The following COL25A1 variants were observed in gnomAD, a reference collection of about 807,000 sequenced individuals.
COL25A1 encodes collagen type XXV alpha 1 chain, also known as collagen alpha-1(XXV) chain.
In COL25A1, 103 loss-of-function variants were observed where a neutral mutation model predicts 128.4. That is an observed-to-expected ratio of 0.80 (90% CI 0.68 to 0.94). The LOEUF is 0.94. COL25A1 is among the 40% of genes least tolerant of loss of function. The probability of loss-of-function intolerance (pLI) is 0.00; values close to 1 mark genes in which losing one functional copy is unlikely to be tolerated. For missense variants in COL25A1, 745 were observed against 840.0 expected (o/e 0.89, Z 1.40); for synonymous variants, 279 against 277.2 (o/e 1.01, Z -0.06).
intron 3 of COL25A1, among the ~76,000 whole-genome samples, chr4:109,183,024 C>T (rs1304576877): frequency 1.3e-5 from 2 of 151,900 alleles, no homozygotes; most frequent in East Asian, 1.9e-4. Context: ...ATCTTTTTAC[C>T]GAGGCATCAG....
At chr4:109,146,798 A>G (rs1478769369) in intron 3 of COL25A1, among the ~76,000 whole-genome samples, 2 of 152,268 alleles carry the variant, frequency 1.3e-5, no homozygotes, top group Non-Finnish European at 1.5e-5. Context: ...CTCATTTCCC[A>G]TTATTTATTT....
In COL25A1 at chr4:109,121,997, T is replaced by C. The variant is rs570236714; in HGVS notation, c.368-71818A>G. Among the ~76,000 whole-genome samples, 166 of 152,188 alleles carry C rather than the reference T, an allele frequency of 1.1e-3. 1 individual carries two copies. Among genetic ancestry groups the C allele is most frequent in the African/African-American group, 3.7e-3 (155 of 41,546 alleles). On this transcript the variant is annotated intron_variant, in intron 3 of 37. Coordinates refer to ENST00000399132, the MANE Select transcript of COL25A1 (RefSeq NM_198721.4). ...CAGACATGGATGAAACTTAGATGCA[T>C]ACTAATAAGTGAATGAAACCAACCT...
chr4:109,022,956 C>T (rs1757905374), intron 5 of COL25A1, among the ~76,000 whole-genome samples: 1 of 152,048 alleles, frequency 6.6e-6, no homozygotes, highest in Non-Finnish European at 1.5e-5. Flanking sequence ...CTCAGAGAAC[C>T]CAAGAGCATT....
chr4:109,077,855 G>T (rs1266021215), intron 3 of COL25A1, among the ~76,000 whole-genome samples: 1 of 152,186 alleles, frequency 6.6e-6, no homozygotes, highest in East Asian at 1.9e-4. Flanking sequence ...TCTGACAAGG[G>T]TCATCTCCCT....
chr4:108,928,325 C>A (rs1000658235), intron 11 of COL25A1, among the ~76,000 whole-genome samples: 1 of 152,060 alleles, frequency 6.6e-6, no homozygotes, highest in African/African-American at 2.4e-5. Flanking sequence ...ATAGTCATAT[C>A]CTATTCAGAT....
intron 3 of COL25A1, among the ~76,000 whole-genome samples, chr4:109,090,131 T>C (rs1004484359): frequency 1.3e-5 from 2 of 152,204 alleles, no homozygotes; most frequent in African/African-American, 4.8e-5. Context: ...AAGATGTTTC[T>C]ATTTCAGAAT....
intron 3 of COL25A1, among the ~76,000 whole-genome samples, chr4:109,232,331 C>T (rs1779213708): frequency 7.3e-6 from 1 of 136,538 alleles, no homozygotes. Flanking sequence ...GTTCGTATTA[C>T]TATTTCAGTC....
intron 37 of COL25A1, among the ~76,000 whole-genome samples, chr4:108,815,324 A>C (rs1731147326): frequency 6.6e-6 from 1 of 152,188 alleles, no homozygotes; most frequent in Non-Finnish European, 1.5e-5. Context: ...TGATACACCC[A>C]AAAATAGGAC....
At chr4:108,938,631 C>T (rs373825248) in intron 10 of COL25A1, among the ~76,000 whole-genome samples, 1 of 152,132 alleles carries the variant, frequency 6.6e-6, no homozygotes, top group Non-Finnish European at 1.5e-5. Context: ...CCGAGGTGGG[C>T]AGATCACGAG....
In COL25A1 at chr4:108,893,323, A is replaced by G. The variant is rs1268784006; in HGVS notation, c.906+3344T>C. Among the ~76,000 whole-genome samples, 7 of 152,360 alleles carry G rather than the reference A, an allele frequency of 4.6e-5. No individual in the cohort carries two copies. The South Asian group carries it at 8.3e-4, about 18-fold the overall frequency. ...GGCCAAACCATTTAGTGTGCAGCAC[A>G]AATACCCCATTTCGCACAGGGGAAA... is the stretch of plus-strand genomic sequence containing the variant. On this transcript the variant is annotated intron_variant, in intron 16 of 37. Coordinates refer to ENST00000399132, the MANE Select transcript of COL25A1 (RefSeq NM_198721.4).
At chr4:108,926,831 G>A (rs575454927) in intron 11 of COL25A1, among the ~76,000 whole-genome samples, 53 of 152,048 alleles carry the variant, frequency 3.5e-4, no homozygotes, top group Admixed American at 2.8e-3. Context: ...CGTCTGGAGT[G>A]TAATTCAATT....
Position 109,301,605 on chromosome 4 carries a change from C to G in COL25A1, c.297+118G>C, listed in dbSNP as rs1023866242. 87 of 1,137,172 alleles carry G rather than the reference C, an allele frequency of 7.7e-5. 2 individuals are homozygous for G. Among genetic ancestry groups the G allele is most frequent in the Non-Finnish European group, 1.0e-4 (82 of 791,944 alleles). 70.4% of individuals were successfully genotyped at this position (1,137,172 alleles called of 1,614,324 possible). A position where few individuals can be genotyped will look rare whatever the true frequency, so the allele number is the denominator to read the frequency against. On this transcript the variant is annotated intron_variant, in intron 2 of 37. Coordinates refer to ENST00000399132, the MANE Select transcript of COL25A1 (RefSeq NM_198721.4). Reference sequence around the variant, plus strand: ...GATCCTTGGCCAACACATGCACGCGCGCGCACACACACAGCCACACCAAGT... The same window carrying G: ...GATCCTTGGCCAACACATGCACGCGGGCGCACACACACAGCCACACCAAGT...
chr4:109,278,790 C>T (rs762079746), intron 3 of COL25A1, among the ~76,000 whole-genome samples: 14 of 152,128 alleles, frequency 9.2e-5, no homozygotes, highest in Non-Finnish European at 1.9e-4. Context: ...CTTCTTAGTC[C>T]TTTAGGCTGT....
At chr4:108,927,345 C>A (rs1000276681) in intron 11 of COL25A1, among the ~76,000 whole-genome samples, 2 of 152,034 alleles carry the variant, frequency 1.3e-5, no homozygotes, top group African/African-American at 2.4e-5. Flanking sequence ...ATCGTCAGCA[C>A]CTAGATTAGT....
At chr4:109,141,100 T>TA (rs1770355166) in intron 3 of COL25A1, among the ~76,000 whole-genome samples, 1 of 152,056 alleles carries the variant, frequency 6.6e-6, no homozygotes, top group African/African-American at 2.4e-5. Flanking sequence ...TATTTTGAGA[T>TA]ATGTTCCATC....
At chr4:109,295,072 T>C (rs1334160928) in intron 3 of COL25A1, among the ~76,000 whole-genome samples, 1 of 152,152 alleles carries the variant, frequency 6.6e-6, no homozygotes, top group Non-Finnish European at 1.5e-5. Context: ...ATAATTTGAA[T>C]GAGCTAGAAT....
At chr4:109,069,475 G>C (rs1401347425) in intron 3 of COL25A1, among the ~76,000 whole-genome samples, 1 of 152,120 alleles carries the variant, frequency 6.6e-6, no homozygotes, top group East Asian at 1.9e-4. Flanking sequence ...TGCTGGGTGA[G>C]AGCCACCATG....
At chr4:108,949,537 CT>C (rs60370461) in intron 8 of COL25A1, among the ~76,000 whole-genome samples, 8,010 of 142,380 alleles carry the variant, frequency 0.056, 445 homozygotes, top group African/African-American at 0.14. Context: ...ATAAATTTTT[CT>C]TTTTTTTTTT....
intron 3 of COL25A1, among the ~76,000 whole-genome samples, chr4:109,154,098 T>C (rs1187612565): frequency 6.6e-6 from 1 of 152,234 alleles, no homozygotes; most frequent in African/African-American, 2.4e-5. Flanking sequence ...TTTTGACTAT[T>C]GCTTTTATAG....
Sources: allele counts gnomAD v4.1 joint callset (sites outside exome capture counted in the v4.1 genomes callset), GRCh38; gene constraint gnomAD v4.1.1; transcripts MANE v1.5; gene names NCBI Gene and HGNC (gene_info 2026-07-23, HGNC 2026-07-21).